The following MTA1 variants were observed in gnomAD, a reference collection of about 807,000 sequenced individuals.
MTA1 encodes the protein metastasis associated 1, also known as metastasis-associated protein MTA1.
Under a neutral mutation model 97.0 loss-of-function variants are expected in MTA1, and 15 were observed. That is an observed-to-expected ratio of 0.15 (90% CI 0.10 to 0.24). The LOEUF (loss-of-function observed/expected upper bound fraction) is 0.24. Among genes scored for constraint, MTA1 ranks in the 10% least tolerant of loss-of-function variants. The pLI, the probability that MTA1 is intolerant of heterozygous loss-of-function variation, is 1.00. For missense variants in MTA1, 709 were observed against 1,015.1 expected (o/e 0.70, Z 4.10); for synonymous variants, 435 against 417.5 (o/e 1.04, Z -0.51).
chr14:105,455,899 CCTGGGGAGGCCGCTGTGCT>C, intron 7 of MTA1, among the ~76,000 whole-genome samples: 1 of 151,926 alleles, frequency 6.6e-6, no homozygotes, highest in African/African-American at 2.4e-5. Context: ...TGGGTCGGAG[CCTGGGGAGGCCGCTGTGCT>C]GGAGCCCGGC....
In MTA1 at chr14:105,451,781, T is replaced by C. The variant is rs1261660943; in HGVS notation, c.432+1457T>C. ...TTCCCCCCTTTTTCTTTTTCTTTTT[T>C]TGTTTTTTTTTTTTTTTTTTTTTTT... On this transcript the variant is annotated intron_variant, in intron 6 of 20. Transcript: ENST00000331320. 2.9e-4 allele frequency among the ~76,000 whole-genome samples: 10 copies of C among 34,782 alleles called. 1 individual carries two copies. The highest frequency in any genetic ancestry group is 7.1e-4 in the Non-Finnish European group (7 of 9,888). The allele number at this position is 34,782 out of a possible 152,430, so 22.8% of individuals were successfully genotyped here.
In MTA1 at chr14:105,450,167, G is replaced by C. The variant is rs782508313; in HGVS notation, c.351G>C (p.Leu117=). The C allele has an allele frequency of 6.2e-7, 1 of 1,612,990 alleles. No homozygotes were observed. The highest frequency in any genetic ancestry group is 8.5e-7 in the Non-Finnish European group (1 of 1,179,872). ...TCCTCTCCCGGCAGCTGGAGTCTCT[G>C]CCCGCCACGCACATCAGGTAGCCCC... ...ELFLSRQLES[L]PATHIRGKCS... Residue 117 remains leucine, a synonymous_variant, in exon 5 of 21, where the codon CTG becomes CTC. Coordinates refer to ENST00000331320, the MANE Select transcript of MTA1 (RefSeq NM_004689.4).
chr14:105,463,610 C>A lies in MTA1; in HGVS notation c.1076+59C>A. The A allele has an allele frequency of 6.4e-7, 1 of 1,555,254 alleles. No homozygotes were observed. The highest frequency in any genetic ancestry group is 8.9e-7 in the Non-Finnish European group (1 of 1,128,220). On this transcript the variant is annotated intron_variant, in intron 12 of 20. Coordinates refer to ENST00000331320, the MANE Select transcript of MTA1 (RefSeq NM_004689.4). This position sits in a 1 kb window ranked among gnomAD's most constrained non-coding sequence, Gnocchi z 5.9. ...CCCCGGGGGCCAGGGAGGGTGGGCA[C>A]AGGGTGCTGGGGCCAGGCGGGTCCC...
rs79294350 is a variant in MTA1 at position 105,463,694 on chromosome 14, G to T, written c.1076+143G>T. ...GGGCAGCCCCCGGGAGGGCGGCCCA[G>T]GGCTGGGGGGTTCTGGCTGCAGACG... On this transcript the variant is annotated intron_variant, in intron 12 of 20. Coordinates refer to ENST00000331320, the MANE Select transcript of MTA1 (RefSeq NM_004689.4). This position sits in a 1 kb window ranked among gnomAD's most constrained non-coding sequence, Gnocchi z 5.9. The T allele has an allele frequency of 2.6e-6, 2 of 770,052 alleles. No individual in the cohort carries two copies. Among genetic ancestry groups the T allele is most frequent in the Non-Finnish European group, 4.3e-6 (2 of 469,810 alleles). The allele number at this position is 770,052 out of a possible 1,614,324, so 47.7% of individuals were successfully genotyped here. A position where few individuals can be genotyped will look rare whatever the true frequency, so the allele number is the denominator to read the frequency against.
In MTA1 at chr14:105,458,387, T is replaced by C. The variant is rs587664903; in HGVS notation, c.653+15T>C. On this transcript the variant is annotated intron_variant, in intron 8 of 20. Coordinates refer to ENST00000331320, the MANE Select transcript of MTA1 (RefSeq NM_004689.4). ...GTGGTGGCCCGGTGAGTCCTGCTCC[T>C]GGGCAAGGCCAGCAGGGGTGGTGCC... The C allele has an allele frequency of 7.7e-5, 124 of 1,609,398 alleles. 2 individuals are homozygous for C. In the South Asian group the frequency reaches 1.2e-3, roughly 15 times the overall value.
Position 105,429,748 on chromosome 14 carries a change from C to T in MTA1, c.29-8924C>T, listed in dbSNP as rs587761844. ...GATTACAGACGTGAGCCACTGCGCC[C>T]GGCCTTTTTTTTTTTTTTTTTTTTT... On this transcript the variant is annotated intron_variant, in intron 1 of 20. Coordinates refer to ENST00000331320, the MANE Select transcript of MTA1 (RefSeq NM_004689.4). Among the ~76,000 whole-genome samples the T allele has an allele frequency of 2.3e-3, 272 of 118,510 alleles. 1 individual carries two copies. Among genetic ancestry groups the T allele is most frequent in the Admixed American group, 6.3e-3 (66 of 10,428 alleles). The allele number at this position is 118,510 out of a possible 152,430, so 77.7% of individuals were successfully genotyped here. A position where few individuals can be genotyped will look rare whatever the true frequency, so the allele number is the denominator to read the frequency against.
chr14:105,455,279 G>A (rs1295878492), intron 7 of MTA1, among the ~76,000 whole-genome samples: 3 of 152,244 alleles, frequency 2.0e-5, no homozygotes, highest in Middle Eastern at 3.2e-3. Context: ...TGTCTTGCCT[G>A]TGGGTGCCCC....
intron 7 of MTA1, 35 bp downstream of exon 7, chr14:105,454,345 T>A (rs200936347): frequency 3.6e-4 from 498 of 1,400,556 alleles, no homozygotes; most frequent in Non-Finnish European, 4.5e-4. Context: ...GAGCCCTCTG[T>A]CCTGTCCTGT....
chr14:105,449,572 G>A (rs587594506), intron 4 of MTA1, among the ~76,000 whole-genome samples, 163 bp downstream of exon 4: 23 of 152,290 alleles, frequency 1.5e-4, no homozygotes, highest in Admixed American at 1.1e-3. Context: ...TCCGGCCCAC[G>A]GCCCAGGCTT....
intron 18 of MTA1, chr14:105,468,330 TC>T (rs2083683589): frequency 7.7e-7 from 1 of 1,304,162 alleles, no homozygotes; most frequent in Non-Finnish European, 1.0e-6. Context: ...TGTCCACCGC[TC>T]TGGTAGGCAC....
At chr14:105,441,718 C>T (rs1035669964) in intron 2 of MTA1, among the ~76,000 whole-genome samples, 13 of 152,094 alleles carry the variant, frequency 8.5e-5, no homozygotes, top group Admixed American at 3.9e-4. Flanking sequence ...GGCGTGAACC[C>T]GGGAGGTGGA....
chr14:105,453,525 G>A (rs2083024984), intron 6 of MTA1, among the ~76,000 whole-genome samples: 1 of 152,130 alleles, frequency 6.6e-6, no homozygotes, highest in South Asian at 2.1e-4. Context: ...AGGAAAATAA[G>A]TCTGCTGGGC....
At chr14:105,436,659 G>A (rs984527716) in intron 1 of MTA1, among the ~76,000 whole-genome samples, 3 of 152,112 alleles carry the variant, frequency 2.0e-5, no homozygotes, top group Non-Finnish European at 4.4e-5. Context: ...GGCCCCTGCC[G>A]AGGAGTCTTC....
At position 105,463,852 on chromosome 14, in the gene MTA1, C is replaced by A; in HGVS notation, c.1077-180C>A. ...GAGCACGGGGGCCTGGAGAACGGCT[C>A]AGACCTCAGCAGTGGCTCCCAGGAA... On this transcript the variant is annotated intron_variant, in intron 12 of 20. Coordinates refer to ENST00000331320, the MANE Select transcript of MTA1 (RefSeq NM_004689.4). This position sits in a 1 kb window ranked among gnomAD's most constrained non-coding sequence, Gnocchi z 5.9. 1 of 691,792 alleles carries A rather than the reference C, an allele frequency of 1.4e-6. No homozygotes were observed. The highest frequency in any genetic ancestry group is 2.6e-6 in the Non-Finnish European group (1 of 391,258). 42.9% of individuals were successfully genotyped at this position (691,792 alleles called of 1,614,324 possible). A position where few individuals can be genotyped will look rare whatever the true frequency, so the allele number is the denominator to read the frequency against.
intron 15 of MTA1, 86 bp from the exon 16 acceptor site, chr14:105,465,008 A>G: frequency 1.4e-6 from 2 of 1,427,094 alleles, no homozygotes; most frequent in Non-Finnish European, 1.8e-6. Context: ...GGCCGAGCCC[A>G]GTGAGGGCTC....
chr14:105,451,611 G>T (rs1377649187), intron 6 of MTA1, among the ~76,000 whole-genome samples: 1 of 152,062 alleles, frequency 6.6e-6, no homozygotes, highest in Non-Finnish European at 1.5e-5. Context: ...ATGTTTGTTA[G>T]CAAAAAAGGC....
chr14:105,466,427 G>GGCCCCCCCCCCCCC lies in MTA1; in HGVS notation c.1626_1627insGCCCCCCCCCCCCC (p.Thr543AlafsTer16). 3 of 1,592,106 alleles carry GGCCCCCCCCCCCCC rather than the reference G, an allele frequency of 1.9e-6. No homozygotes were observed. Among genetic ancestry groups the GGCCCCCCCCCCCCC allele is most frequent in the Non-Finnish European group, 2.6e-6 (3 of 1,165,320 alleles). ...TTCTGCCTGTGTCATTCCCGGCAGAGACCCACCCCCGCCCCCCCAAGCCTG... is the reference window on the plus strand; with the variant it reads ...TTCTGCCTGTGTCATTCCCGGCAGAGGCCCCCCCCCCCCCACCCACCCCCGCCCCCCCAAGCCTG... On this transcript the variant is annotated frameshift_variant and splice_region_variant, in exon 17 of 21. Transcript: ENST00000331320. LOFTEE classifies it high-confidence loss of function.
chr14:105,440,316 G>A (rs1320149725), intron 2 of MTA1, among the ~76,000 whole-genome samples: 1 of 152,270 alleles, frequency 6.6e-6, no homozygotes, highest in Non-Finnish European at 1.5e-5. Context: ...CTCAGCTGAC[G>A]CTGAACCATG....
intron 16 of MTA1, 126 bp from the exon 17 acceptor site, chr14:105,466,300 G>T: frequency 1.3e-6 from 1 of 761,688 alleles, no homozygotes. Context: ...ATGGGGCCTC[G>T]GGTGGGGGCC....
Sources: allele counts gnomAD v4.1 joint callset (sites outside exome capture counted in the v4.1 genomes callset), GRCh38; gene constraint gnomAD v4.1.1; non-coding constraint Gnocchi (gnomAD v3.1); transcripts MANE v1.5; gene names NCBI Gene and HGNC (gene_info 2026-07-23, HGNC 2026-07-21).